Variants in MYO1F observed in about 807,000 individuals in gnomAD.
MYO1F encodes the protein myosin IF, also known as unconventional myosin-If.
A neutral mutation model predicts 146.6 loss-of-function variants in MYO1F; 60 were observed. The ratio of observed to expected loss-of-function variants is 0.41; its 90% confidence interval spans 0.33 to 0.51. The LOEUF (loss-of-function observed/expected upper bound fraction) is 0.51, where lower values mean the gene tolerates loss of function less well. MYO1F is among the 20% of genes least tolerant of loss of function. MYO1F has a pLI of 0.25. For missense variants in MYO1F, 1,274 were observed against 1,534.3 expected (o/e 0.83, Z 2.83); for synonymous variants, 602 against 602.1 (o/e 1.00, Z 0.00).
chr19:8,563,336 C>T lies in MYO1F; in HGVS notation c.4-7540G>A, dbSNP rs185758761. On this transcript the variant is annotated intron_variant, in intron 1 of 27. Coordinates refer to ENST00000644032, the MANE Select transcript of MYO1F (RefSeq NM_012335.4). The stretch of plus-strand genomic sequence containing the variant: ...TTTTTGAGACACAGTCTTGCTCTAT[C>T]GCCCAGGCTGGAGTGCAGTGGTGAG... Among the ~76,000 whole-genome samples the T allele has an allele frequency of 4.5e-3, 637 of 141,154 alleles. 1 individual carries two copies. The highest frequency in any genetic ancestry group is 0.019 in the Middle Eastern group (5 of 266). The allele number at this position is 141,154 out of a possible 152,430, so 92.6% of individuals were successfully genotyped here. A position where few individuals can be genotyped will look rare whatever the true frequency, so the allele number is the denominator to read the frequency against.
Position 8,541,980 on chromosome 19 carries a change from G to A in MYO1F, c.1536C>T (p.Asp512=). The A allele has an allele frequency of 5.0e-6, 8 of 1,613,262 alleles. No individual in the cohort carries two copies. The highest frequency in any genetic ancestry group is 6.8e-6 in the Non-Finnish European group (8 of 1,179,862). Residue 512 remains aspartate, a synonymous_variant, in exon 15 of 28, where the codon GAC becomes GAT. Transcript: ENST00000644032. The stretch of plus-strand genomic sequence containing the variant: ...GGTTCCTCTCGCAGAAGCCGCTGAC[G>A]TCGTAGGAGACCTGGAGGGGACAGT... ...IHHYAGKVSY[D]VSGFCERNRD... is the part of the protein sequence containing the mutation.
Position 8,522,274 on chromosome 19 carries a change from G to A in MYO1F, c.3220+103C>T, listed in dbSNP as rs1466635412. The A allele has an allele frequency of 9.0e-6, 13 of 1,444,450 alleles. No homozygotes were observed. In the African/African-American group the frequency reaches 1.1e-4, roughly 12 times the overall value. The allele number at this position is 1,444,450 out of a possible 1,614,324, so 89.5% of individuals were successfully genotyped here. A position where few individuals can be genotyped will look rare whatever the true frequency, so the allele number is the denominator to read the frequency against. On this transcript the variant is annotated intron_variant, in intron 27 of 27. Transcript: ENST00000644032. ...CCTGACCTCGTGATCTGCCCGCCTTGGCCTCCCAAAATGCTGGGATTACAG... is the reference window on the plus strand; with the variant it reads ...CCTGACCTCGTGATCTGCCCGCCTTAGCCTCCCAAAATGCTGGGATTACAG...
chr19:8,522,466 G>A lies in MYO1F; in HGVS notation c.3131C>T (p.Pro1044Leu), dbSNP rs753745875. 2 of 1,614,046 alleles carry A rather than the reference G, an allele frequency of 1.2e-6. No homozygotes were observed. The highest frequency in any genetic ancestry group is 8.5e-7 in the Non-Finnish European group (1 of 1,180,010). ...GTACTGGTATAGGGCCCGGCACCTG[G>A]GACCATGTGTCCGAGGCTGGGGCTT... ...RPKPQPRTHG[P>L]RCRALYQYVG... The change falls in exon 27 of 28, where the codon CCC becomes CTC. Residue 1044 changes from proline (P) to leucine (L), a missense_variant. By Grantham distance (98) the Pro-to-Leu change is moderately conservative. Around this residue, in one of 2 missense-constraint regions of MYO1F, gnomAD observed 374 missense variants for 379.2 expected, o/e 0.99. Transcript: ENST00000644032.
intron 1 of MYO1F, among the ~76,000 whole-genome samples, chr19:8,564,842 G>A (rs1328460624): frequency 1.3e-5 from 2 of 151,610 alleles, no homozygotes; most frequent in Non-Finnish European, 2.9e-5. Context: ...GTATGATTTC[G>A]GCTCACTGCA....
chr19:8,530,297 A>G lies in MYO1F; in HGVS notation c.2227T>C (p.Tyr743His). 6.2e-7 allele frequency: 1 copy of G among 1,614,148 alleles called. No individual in the cohort carries two copies. ...NSINRNFVGD[Y>H]LGLEERPELR... ...TCGGGCCGCTCCTCCAGCCCCAGGTAGTCCCCGACGAAGTTCCGATTGATG... is the reference window on the plus strand; with the variant it reads ...TCGGGCCGCTCCTCCAGCCCCAGGTGGTCCCCGACGAAGTTCCGATTGATG... Residue 743 changes from tyrosine to histidine, a missense_variant, in exon 21 of 28, where the codon TAC (tyrosine) becomes CAC (histidine). By Grantham distance (83) the Tyr-to-His change is moderately conservative. Around this residue, in one of 2 missense-constraint regions of MYO1F, gnomAD observed 900 missense variants for 1,155.1 expected, o/e 0.78. Coordinates refer to ENST00000644032, the MANE Select transcript of MYO1F (RefSeq NM_012335.4). This position sits in a 1 kb window ranked among gnomAD's most constrained non-coding sequence, Gnocchi z 5.8.
At chr19:8,558,933 C>T (rs544004665) in intron 1 of MYO1F, among the ~76,000 whole-genome samples, 2 of 152,174 alleles carry the variant, frequency 1.3e-5, no homozygotes, top group South Asian at 4.1e-4. Flanking sequence ...GGATGGAGTG[C>T]AGTGGTGAGA....
At chr19:8,574,272 T>A (rs1289732590) in intron 1 of MYO1F, among the ~76,000 whole-genome samples, 3 of 152,156 alleles carry the variant, frequency 2.0e-5, no homozygotes, top group African/African-American at 4.8e-5. Flanking sequence ...AACCCAGCAA[T>A]GACCACTCGC....
rs774373182 is a variant in MYO1F at position 8,548,255 on chromosome 19, G to A, written c.1164C>T (p.Tyr388=). ...EEYSIGVLDI[Y]GFEIFQKNGF... ...GCCGTACCTGGAAGATCTCGAAGCC[G>A]TAAATGTCCAGCACACCGATGCTGT... The change falls in exon 11 of 28, where the codon TAC becomes TAT. Residue 388 remains tyrosine, a synonymous_variant. Coordinates refer to ENST00000644032, the MANE Select transcript of MYO1F (RefSeq NM_012335.4). 4.6e-5 allele frequency: 74 copies of A among 1,613,926 alleles called. 1 individual carries two copies. Among genetic ancestry groups the A allele is most frequent in the Non-Finnish European group, 4.2e-5 (49 of 1,180,016 alleles).
At chr19:8,531,072 AG>A (rs1350399474) in intron 19 of MYO1F, among the ~76,000 whole-genome samples, 1 of 150,724 alleles carries the variant, frequency 6.6e-6, no homozygotes, top group Non-Finnish European at 1.5e-5. Context: ...AAACAAAAAA[AG>A]CTGGTGGCTC....
rs752555964 is a variant in MYO1F at position 8,522,458 on chromosome 19, G to A, written c.3139C>T (p.Arg1047Trp). The A allele has an allele frequency of 4.3e-6, 7 of 1,614,074 alleles. No homozygotes were observed. The highest frequency in any genetic ancestry group is 1.6e-4 in the Middle Eastern group (1 of 6,062). Residue 1047 changes from arginine (R) to tryptophan (W), a missense_variant, in exon 27 of 28, where the codon CGG becomes TGG. Transcript: ENST00000644032. Reference sequence around the variant, plus strand: ...TGGCCCACGTACTGGTATAGGGCCCGGCACCTGGGACCATGTGTCCGAGGC... The same window carrying A: ...TGGCCCACGTACTGGTATAGGGCCCAGCACCTGGGACCATGTGTCCGAGGC... The part of the protein sequence containing the change: ...PQPRTHGPRC[R>W]ALYQYVGQDV...
At position 8,550,291 on chromosome 19, in the gene MYO1F, G is replaced by A; in HGVS notation, c.970C>T (p.Arg324Cys). ...SGRLQEKLTS[R>C]KMDSRWGGRS... ...CCGCCCCAGCGGCTGTCCATCTTGC[G>A]GCTGGTCAGCTTCTCCTGCAGTCGC... The change falls in exon 10 of 28, where the codon CGC becomes TGC. Residue 324 changes from arginine to cysteine, a missense_variant. Around this residue, in one of 2 missense-constraint regions of MYO1F, gnomAD observed 900 missense variants for 1,155.1 expected, o/e 0.78. Coordinates refer to ENST00000644032, the MANE Select transcript of MYO1F (RefSeq NM_012335.4). 6.2e-7 allele frequency: 1 copy of A among 1,614,078 alleles called. No homozygotes were observed. The highest frequency in any genetic ancestry group is 8.5e-7 in the Non-Finnish European group (1 of 1,180,014).
In MYO1F at chr19:8,530,158, A is replaced by C; in HGVS notation, c.2328+38T>G. On this transcript the variant is annotated intron_variant, in intron 21 of 27. Coordinates refer to ENST00000644032, the MANE Select transcript of MYO1F (RefSeq NM_012335.4). The surrounding 1 kb of genome is among the most constrained non-coding windows in gnomAD (Gnocchi z 5.8). ...GGGCCAGGTGAGGGTGCCAGGCTGT[A>C]GTCAGGGTCTTGCTGTGCCCACCCA... is the stretch of plus-strand genomic sequence containing the variant. 1 of 1,613,446 alleles carries C rather than the reference A, an allele frequency of 6.2e-7. No homozygotes were observed.
chr19:8,551,110 G>A (rs1003255592), intron 8 of MYO1F, among the ~76,000 whole-genome samples: 96 of 151,154 alleles, frequency 6.4e-4, no homozygotes, highest in African/African-American at 2.3e-3. Context: ...GGAGTGCAGC[G>A]GCGCTATCTT....
chr19:8,563,946 A>G (rs1234079232), intron 1 of MYO1F, among the ~76,000 whole-genome samples: 2 of 152,158 alleles, frequency 1.3e-5, no homozygotes, highest in South Asian at 2.1e-4. Context: ...TAGCACTCTC[A>G]TATTTGGACA....
At chr19:8,551,956 C>G in intron 7 of MYO1F, 77 bp downstream of exon 7, 1 of 1,613,858 alleles carries the variant, frequency 6.2e-7, no homozygotes, top group Non-Finnish European at 8.5e-7. Flanking sequence ...CCATGCCCCC[C>G]TAGGTGTTTA....
chr19:8,527,592 G>A, intron 21 of MYO1F, 109 bp from the exon 22 acceptor site: 7 of 1,396,096 alleles, frequency 5.0e-6, no homozygotes, highest in Non-Finnish European at 7.0e-6. Context: ...GAGGAAGGTG[G>A]GAGCCCTCCA....
At chr19:8,523,236 T>C (rs922595095) in intron 25 of MYO1F, among the ~76,000 whole-genome samples, 2 of 152,128 alleles carry the variant, frequency 1.3e-5, no homozygotes, top group Admixed American at 1.3e-4. Context: ...AGTTTCATCA[T>C]GTTAGCCAGG....
intron 17 of MYO1F, 45 bp downstream of exon 17, chr19:8,536,904 C>G (rs1194801370): frequency 7.0e-7 from 1 of 1,432,158 alleles, no homozygotes; most frequent in Non-Finnish European, 9.6e-7. Flanking sequence ...GGGGTAACTG[C>G]AGGGCCTGGG....
rs199843474 is a variant in MYO1F, at chr19:8,526,947, C to T, written c.2475-12G>A. On this transcript the variant is annotated splice_polypyrimidine_tract_variant and intron_variant, in intron 22 of 27. Transcript: ENST00000644032. ...CGTCCTGTCGCGTGCTGGGGAGGGGCGGGTGAGAGCGTCAGGTGGGACACA... is the reference window on the plus strand; with the variant it reads ...CGTCCTGTCGCGTGCTGGGGAGGGGTGGGTGAGAGCGTCAGGTGGGACACA... 131 of 1,613,084 alleles carry T rather than the reference C, an allele frequency of 8.1e-5. No homozygotes were observed. The African/African-American group carries it at 1.7e-3, about 21-fold the overall frequency.
Sources: gnomAD v4.1 joint callset for allele counts (sites outside exome capture counted in the v4.1 genomes callset) on GRCh38, gnomAD v4.1.1 for gene constraint, gnomAD v4.1.1 regional missense constraint, Gnocchi (gnomAD v3.1) non-coding constraint, MANE v1.5 for transcripts, NCBI Gene and HGNC (gene_info 2026-07-23, HGNC 2026-07-21) for gene names.